EIF4G3: variants seen among roughly 807,000 people sequenced by gnomAD.
EIF4G3 encodes eIF-4-gamma 3.
A neutral mutation model predicts 186.4 loss-of-function variants in EIF4G3; 34 were observed. That is an observed-to-expected ratio of 0.18 (90% CI 0.14 to 0.24). The LOEUF (loss-of-function observed/expected upper bound fraction) is 0.24. Ranked by LOEUF, EIF4G3 falls within the 10% of genes least tolerant of loss-of-function variation. The pLI is 1.00. For missense variants in EIF4G3, 1,536 were observed against 1,948.5 expected, an observed-to-expected ratio of 0.79 and a Z score of 3.99; for synonymous variants, 673 against 679.5, an observed-to-expected ratio of 0.99 and a Z score of 0.15.
At chr1:20,877,244 G>T (rs914583695) in intron 20 of EIF4G3, among the ~76,000 whole-genome samples, 1 of 152,158 alleles carries the variant, frequency 6.6e-6, no homozygotes, top group Admixed American at 6.5e-5. Flanking sequence ...ATGAGTCATG[G>T]ATGTCATGGC....
At chr1:21,092,250 CA>C (rs1301466325) in intron 2 of EIF4G3, among the ~76,000 whole-genome samples, 1 of 152,110 alleles carries the variant, frequency 6.6e-6, no homozygotes, top group African/African-American at 2.4e-5. Context: ...TTGAGATAAT[CA>C]TGTGTTTTTG....
At chr1:20,893,426 C>T (rs551850307) in intron 18 of EIF4G3, 91 bp downstream of exon 18, 70 of 1,332,770 alleles carry the variant, frequency 5.3e-5, no homozygotes, top group South Asian at 1.6e-4. Flanking sequence ...CTAGAATCAA[C>T]GAATAAAAGC....
At chr1:20,892,834 T>C (rs1001551996) in intron 18 of EIF4G3, 4 of 740,172 alleles carry the variant, frequency 5.4e-6, no homozygotes, top group Non-Finnish European at 8.7e-6. Flanking sequence ...CAAGGTTGGC[T>C]CGCTCTGTAT....
chr1:20,930,171 G>T (rs2095234168), intron 14 of EIF4G3, among the ~76,000 whole-genome samples: 1 of 152,140 alleles, frequency 6.6e-6, no homozygotes, highest in East Asian at 1.9e-4. Context: ...GTTGGTGGAG[G>T]TTCTTACCTT....
intron 11 of EIF4G3, among the ~76,000 whole-genome samples, chr1:20,971,580 G>A (rs2075896218): frequency 6.6e-6 from 1 of 152,158 alleles, no homozygotes; most frequent in Non-Finnish European, 1.5e-5. Context: ...ATATGCACAA[G>A]TAATTTGTTT....
intron 20 of EIF4G3, among the ~76,000 whole-genome samples, chr1:20,876,443 TAAAAAAA>T (rs386366428): frequency 3.7e-5 from 3 of 80,888 alleles, no homozygotes; most frequent in African/African-American, 1.5e-4. Context: ...ATTTATTAAG[TAAAAAAA>T]AAAAAAAAAA....
At chr1:20,881,953 A>AG (rs1345627644) in intron 19 of EIF4G3, among the ~76,000 whole-genome samples, 1 of 151,076 alleles carries the variant, frequency 6.6e-6, no homozygotes, top group African/African-American at 2.4e-5. Context: ...GCTTGAGCTC[A>AG]GGGGTTTCGA....
chr1:20,853,796 G>T, intron 26 of EIF4G3, 119 bp from the exon 27 acceptor site: 1 of 696,166 alleles, frequency 1.4e-6, no homozygotes, highest in Non-Finnish European at 2.5e-6. Context: ...CTTAGGTGAC[G>T]CCCATCTCCT....
chr1:20,890,159 C>G (rs1572265430), intron 18 of EIF4G3, among the ~76,000 whole-genome samples: 2 of 151,900 alleles, frequency 1.3e-5, no homozygotes, highest in East Asian at 3.9e-4. Flanking sequence ...TTTTAGTAGA[C>G]ACACGGTTTT....
At chr1:20,921,064 A>G (rs551561719) in intron 14 of EIF4G3, among the ~76,000 whole-genome samples, 121 of 152,264 alleles carry the variant, frequency 7.9e-4, no homozygotes, top group Admixed American at 1.8e-3. Context: ...GTGTGTTTGA[A>G]AATTCTAAGA....
intron 30 of EIF4G3, 59 bp from the exon 31 acceptor site, chr1:20,829,331 A>G: frequency 6.3e-7 from 1 of 1,579,532 alleles, no homozygotes; most frequent in African/African-American, 1.4e-5. Context: ...TTAAAATTAA[A>G]TAAAGAGATA....
At chr1:21,036,907 T>A (rs1000098243) in intron 4 of EIF4G3, among the ~76,000 whole-genome samples, 1 of 152,088 alleles carries the variant, frequency 6.6e-6, no homozygotes, top group Non-Finnish European at 1.5e-5. Flanking sequence ...AAAAGCTTAT[T>A]TATGAGTTAC....
At chr1:21,086,954 GA>G (rs1304550344) in intron 3 of EIF4G3, among the ~76,000 whole-genome samples, 2 of 146,738 alleles carry the variant, frequency 1.4e-5, no homozygotes, top group African/African-American at 2.5e-5. Context: ...AAAAAAAAAA[GA>G]AAAAAAGAAA....
chr1:21,143,555 TTA>T (rs1258289034), intron 2 of EIF4G3, among the ~76,000 whole-genome samples: 1 of 152,214 alleles, frequency 6.6e-6, no homozygotes, highest in Non-Finnish European at 1.5e-5. Context: ...TTTACTAACG[TTA>T]TGTCTATAAT....
chr1:20,955,877 A>AC (rs1343053308), intron 12 of EIF4G3, among the ~76,000 whole-genome samples: 3 of 152,112 alleles, frequency 2.0e-5, no homozygotes, highest in Non-Finnish European at 4.4e-5. Context: ...TTAGAGGAAA[A>AC]CCATGAACTC....
In EIF4G3 at chr1:21,002,703, G is replaced by C; in HGVS notation, c.30+10C>G. On this transcript the variant is annotated intron_variant, in intron 5 of 36. Coordinates refer to ENST00000602326, the MANE Select transcript of EIF4G3 (RefSeq NM_001391906.1). Reference sequence around the variant, plus strand: ...AGAATGTAATTTGGTTCAAGCTTCTGCTTACTTACCGGAGAACGGGTTTGA... The same window carrying C: ...AGAATGTAATTTGGTTCAAGCTTCTCCTTACTTACCGGAGAACGGGTTTGA... 6.2e-7 allele frequency: 1 copy of C among 1,612,886 alleles called. No individual in the cohort carries two copies. Among genetic ancestry groups the C allele is most frequent in the Non-Finnish European group, 8.5e-7 (1 of 1,179,442 alleles).
rs72652962 is a variant in EIF4G3 at position 20,906,704 on chromosome 1, T to G, written c.1664-1733A>C. The stretch of plus-strand genomic sequence containing the variant: ...CCAGTGAGAATTGTTACTCATCTTG[T>G]TTAAGTGGCTATTTAAAGTCTTGAT... On this transcript the variant is annotated intron_variant, in intron 14 of 36. Coordinates refer to ENST00000602326, the MANE Select transcript of EIF4G3 (RefSeq NM_001391906.1). Among the ~76,000 whole-genome samples, 1,124 of 152,248 alleles carry G rather than the reference T, an allele frequency of 7.4e-3. 5 individuals are homozygous for G. The highest frequency in any genetic ancestry group is 0.041 in the Middle Eastern group (12 of 294).
chr1:21,117,756 A>AAAAAAAAAAAAAAC, intron 2 of EIF4G3, among the ~76,000 whole-genome samples: 1 of 147,056 alleles, frequency 6.8e-6, no homozygotes, highest in Admixed American at 6.8e-5. Context: ...AAAAAAAAAA[A>AAAAAAAAAAAAAAC]AAAAATTAAA....
chr1:21,155,355 T>C (rs111883875), intron 2 of EIF4G3, among the ~76,000 whole-genome samples: 161 of 152,184 alleles, frequency 1.1e-3, no homozygotes, highest in African/African-American at 3.8e-3. Flanking sequence ...CAGTTCCTTT[T>C]CTTCTGCTTA....
Sources: gnomAD v4.1 joint callset for allele counts (sites outside exome capture counted in the v4.1 genomes callset) on GRCh38, gnomAD v4.1.1 for gene constraint, MANE v1.5 for transcripts, NCBI Gene and HGNC (gene_info 2026-07-23, HGNC 2026-07-21) for gene names.